MRTFB: variants seen among roughly 807,000 people sequenced by gnomAD.
The protein encoded by MRTFB is myocardin related transcription factor B.
Under a neutral mutation model 104.2 loss-of-function variants are expected in MRTFB, and 29 were observed. The observed-to-expected ratio is 0.28, with a 90% CI of 0.21 to 0.38. The LOEUF is 0.38. Ranked by LOEUF, MRTFB falls within the 10% of genes least tolerant of loss-of-function variation. MRTFB has a pLI of 1.00. For synonymous variants in MRTFB, 535 were observed against 519.5 expected (o/e 1.03, Z -0.41); for missense variants, 1,270 against 1,341.6 (o/e 0.95, Z 0.83).
At chr16:14,209,266 A>G (rs1455800268) in intron 3 of MRTFB, among the ~76,000 whole-genome samples, 1 of 152,188 alleles carries the variant, frequency 6.6e-6, no homozygotes, top group African/African-American at 2.4e-5. Flanking sequence ...TCTTCCCACC[A>G]TTTAAGTAAG....
intron 2 of MRTFB, among the ~76,000 whole-genome samples, chr16:14,129,303 T>C (rs1204587124): frequency 6.6e-6 from 1 of 151,134 alleles, no homozygotes; most frequent in Non-Finnish European, 1.5e-5. Context: ...ATTTAAAGTA[T>C]AAAATTTGAT....
At chr16:14,055,181 G>A in the MRTFB span, among the ~76,000 whole-genome samples, 86 of 152,162 alleles carry the variant, frequency 5.7e-4, no homozygotes, top group African/African-American at 1.6e-3. Flanking sequence ...GAGAAACCCC[G>A]TCTCTACTAA....
chr16:14,040,744 C>A, the MRTFB span, among the ~76,000 whole-genome samples: 1 of 152,128 alleles, frequency 6.6e-6, no homozygotes, highest in East Asian at 1.9e-4. Context: ...ATTACAGGTG[C>A]AAGCCACCGC....
rs138570159 is a variant in MRTFB at position 14,261,423 on chromosome 16, C to G, written c.3279C>G (p.Asp1093Glu). The change falls in exon 17 of 17, where the codon GAC becomes GAG. Residue 1093 changes from aspartate to glutamate, a missense_variant. Coordinates refer to ENST00000571589, the MANE Select transcript of MRTFB (RefSeq NM_001308142.2). Reference sequence around the variant, plus strand: ...CTGCTGACTTTCTAGACCCACAGGACCTACCGCTGCCATGGGACTAACGTC... The same window carrying G: ...CTGCTGACTTTCTAGACCCACAGGAGCTACCGCTGCCATGGGACTAACGTC... ...MFSADFLDPQ[D>E]LPLPWD is the part of the protein sequence containing the mutation. 180 of 1,602,918 alleles carry G rather than the reference C, an allele frequency of 1.1e-4. No individual in the cohort carries two copies. The highest frequency in any genetic ancestry group is 1.3e-4 in the Non-Finnish European group (152 of 1,171,772).
intron 2 of MRTFB, among the ~76,000 whole-genome samples, chr16:14,095,641 A>G (rs1213347735): frequency 1.3e-5 from 2 of 152,232 alleles, no homozygotes; most frequent in South Asian, 2.1e-4. Flanking sequence ...TTTTAAAAGT[A>G]AATACTGGAA....
intron 2 of MRTFB, among the ~76,000 whole-genome samples, chr16:14,098,875 T>TA (rs1245979004): frequency 1.3e-5 from 2 of 152,234 alleles, no homozygotes; most frequent in African/African-American, 2.4e-5. Flanking sequence ...TGCATCTTTA[T>TA]AAAAAAATCA....
At chr16:13,995,713 G>A in the MRTFB span, among the ~76,000 whole-genome samples, 1 of 152,134 alleles carries the variant, frequency 6.6e-6, no homozygotes. Flanking sequence ...AAGGTGAAGG[G>A]GAAGCAGGCA....
chr16:14,001,082 C>T, the MRTFB span, among the ~76,000 whole-genome samples: 2 of 152,198 alleles, frequency 1.3e-5, no homozygotes, highest in South Asian at 4.1e-4. Context: ...CACCCATGTC[C>T]GCAGTACCTG....
At chr16:14,033,763 G>A in the MRTFB span, among the ~76,000 whole-genome samples, 4 of 150,258 alleles carry the variant, frequency 2.7e-5, no homozygotes, top group Admixed American at 2.7e-4. Context: ...TTGAACCCAG[G>A]AGACAGAGGC....
the MRTFB span, among the ~76,000 whole-genome samples, chr16:14,004,626 C>T: frequency 6.6e-6 from 1 of 152,160 alleles, no homozygotes; most frequent in Admixed American, 6.5e-5. Flanking sequence ...CTTTGGATGA[C>T]ATTGAGACCT....
intron 2 of MRTFB, among the ~76,000 whole-genome samples, chr16:14,112,510 C>T (rs1373436939): frequency 6.6e-6 from 1 of 152,254 alleles, no homozygotes; most frequent in Non-Finnish European, 1.5e-5. Flanking sequence ...AGGCAAAAAT[C>T]ACCACCACTT....
chr16:14,176,043 A>C (rs1018397263), intron 3 of MRTFB, among the ~76,000 whole-genome samples: 3 of 151,872 alleles, frequency 2.0e-5, no homozygotes, highest in African/African-American at 4.9e-5. Context: ...TGCATGCCTC[A>C]TCAAAACTCA....
chr16:14,186,429 C>G (rs530500839), intron 3 of MRTFB, among the ~76,000 whole-genome samples: 11 of 152,282 alleles, frequency 7.2e-5, no homozygotes, highest in Admixed American at 3.9e-4. Context: ...TAGCCTGTGG[C>G]TGTGTTTATA....
At chr16:14,038,594 T>C in the MRTFB span, among the ~76,000 whole-genome samples, 1 of 152,218 alleles carries the variant, frequency 6.6e-6, no homozygotes, top group Non-Finnish European at 1.5e-5. Flanking sequence ...TGAGTGGGCC[T>C]CAGACACAGA....
intron 2 of MRTFB, among the ~76,000 whole-genome samples, chr16:14,101,202 G>C (rs187322241): frequency 1.0e-4 from 15 of 146,996 alleles, no homozygotes; most frequent in South Asian, 4.3e-4. Flanking sequence ...GATTTGAGCT[G>C]TTTCCTCTCT....
chr16:14,246,729 C>T lies in MRTFB; in HGVS notation c.1469C>T (p.Thr490Ile), dbSNP rs1279753861. The change falls in exon 12 of 17, where the codon ACC becomes ATC. Residue 490 changes from threonine (T) to isoleucine (I), a missense_variant. Coordinates refer to ENST00000571589, the MANE Select transcript of MRTFB (RefSeq NM_001308142.2). ...AAGGCAGAATTGCCACCTACAGGAA[C>T]CAGCAACGCAACCCGTGTGGAAAAT... is the stretch of plus-strand genomic sequence containing the variant. ...TLKAELPPTG[T>I]SNATRVENVH... The T allele has an allele frequency of 3.1e-6, 5 of 1,614,156 alleles. No homozygotes were observed. Among genetic ancestry groups the T allele is most frequent in the Non-Finnish European group, 1.7e-6 (2 of 1,180,032 alleles).
chr16:14,081,810 GGCT>G lies in MRTFB; in HGVS notation c.-64+2457_-64+2459del, dbSNP rs1294009391. Among the ~76,000 whole-genome samples the G allele has an allele frequency of 6.1e-5, 9 of 147,330 alleles. No homozygotes were observed. The East Asian group carries it at 1.8e-3, about 30-fold the overall frequency. On this transcript the variant is annotated intron_variant, in intron 2 of 16. Coordinates refer to ENST00000571589, the MANE Select transcript of MRTFB (RefSeq NM_001308142.2). ...TTGCCCAGGCTGGTCTCAGACTCTGGGCTCAAGCAGTCCACCCGCCTCGGCTTC... is the reference window on the plus strand; with the variant it reads ...TTGCCCAGGCTGGTCTCAGACTCTGGCAAGCAGTCCACCCGCCTCGGCTTC...
chr16:14,166,187 AC>A (rs2039230513), intron 3 of MRTFB, among the ~76,000 whole-genome samples: 2 of 149,130 alleles, frequency 1.3e-5, no homozygotes, highest in Non-Finnish European at 1.5e-5. Flanking sequence ...GGAGGAGGAA[AC>A]TTTTTTGGTT....
At chr16:14,081,700 C>T (rs992151259) in intron 2 of MRTFB, among the ~76,000 whole-genome samples, 2 of 152,140 alleles carry the variant, frequency 1.3e-5, no homozygotes, top group Non-Finnish European at 1.5e-5. Flanking sequence ...CCACTTCAGC[C>T]TCCCTAGTAG....
Sources: allele counts gnomAD v4.1 joint callset (sites outside exome capture counted in the v4.1 genomes callset), GRCh38; gene constraint gnomAD v4.1.1; transcripts MANE v1.5; gene names NCBI Gene and HGNC (gene_info 2026-07-23, HGNC 2026-07-21).